Variants in STX8 observed in about 807,000 individuals in gnomAD.
STX8 encodes syntaxin-8.
STX8 carries 23 observed loss-of-function variants against 37.5 expected under a neutral mutation model. That is an observed-to-expected ratio of 0.61 (90% CI 0.44 to 0.87). The LOEUF (loss-of-function observed/expected upper bound fraction) is 0.87, where lower values mean the gene tolerates loss of function less well. Among genes scored for constraint, STX8 ranks in the 40% least tolerant of loss-of-function variants. The probability of loss-of-function intolerance (pLI) is 0.00; values close to 1 mark genes in which losing one functional copy is unlikely to be tolerated. For synonymous variants in STX8, 115 were observed against 99.1 expected (o/e 1.16, Z -0.95); for missense variants, 313 against 284.7 (o/e 1.10, Z -0.71).
chr17:9,397,317 A>G (rs1269143188), intron 6 of STX8, among the ~76,000 whole-genome samples: 1 of 152,072 alleles, frequency 6.6e-6, no homozygotes, highest in Non-Finnish European at 1.5e-5. Context: ...AATTGCTTGA[A>G]CCCGGGAGGG....
chr17:9,493,198 G>C (rs773797450), intron 5 of STX8, among the ~76,000 whole-genome samples: 2 of 152,108 alleles, frequency 1.3e-5, no homozygotes, highest in African/African-American at 2.4e-5. Flanking sequence ...CCAGGAGTTC[G>C]AGGCTGCAGT....
At chr17:9,493,134 G>A (rs1906928197) in intron 5 of STX8, among the ~76,000 whole-genome samples, 2 of 151,108 alleles carry the variant, frequency 1.3e-5, no homozygotes, top group Non-Finnish European at 2.9e-5. Context: ...ACGATGGCAT[G>A]TACCTGTAGT....
chr17:9,379,510 G>A (rs1911720309), intron 6 of STX8, among the ~76,000 whole-genome samples: 2 of 152,154 alleles, frequency 1.3e-5, no homozygotes, highest in Admixed American at 1.3e-4. Context: ...GAAGGAAGGT[G>A]AAAAGAAATT....
intron 7 of STX8, among the ~76,000 whole-genome samples, chr17:9,257,929 C>T (rs556172090): frequency 1.3e-4 from 20 of 152,282 alleles, no homozygotes; most frequent in South Asian, 4.1e-4. Flanking sequence ...GAGGAGGTTG[C>T]GGTGAGCTGA....
At chr17:9,389,324 T>C (rs1418178726) in intron 6 of STX8, among the ~76,000 whole-genome samples, 3 of 152,214 alleles carry the variant, frequency 2.0e-5, no homozygotes, top group Admixed American at 6.5e-5. Flanking sequence ...GTATAGGTTG[T>C]GAAACAACCA....
chr17:9,407,248 G>A (rs544450103), intron 6 of STX8, among the ~76,000 whole-genome samples: 220 of 152,158 alleles, frequency 1.4e-3, no homozygotes, highest in Non-Finnish European at 2.3e-3. Context: ...AGCTGGTGTC[G>A]AACTCCTAAT....
intron 7 of STX8, among the ~76,000 whole-genome samples, chr17:9,351,082 A>G (rs943402460): frequency 1.3e-5 from 2 of 151,668 alleles, no homozygotes; most frequent in African/African-American, 4.8e-5. Flanking sequence ...TAGTATAATG[A>G]ACATCTATAT....
At chr17:9,339,596 G>A (rs1910266318) in intron 7 of STX8, among the ~76,000 whole-genome samples, 1 of 152,124 alleles carries the variant, frequency 6.6e-6, no homozygotes, top group African/African-American at 2.4e-5. Context: ...GGAGGTTGCA[G>A]TGAGCCGAGA....
intron 1 of STX8, chr17:9,569,692 A>T (rs1469845651): frequency 6.6e-6 from 1 of 152,198 alleles, no homozygotes; most frequent in African/African-American, 2.4e-5. Context: ...TCACGCTTGT[A>T]ATCCCAGCAC....
chr17:9,557,259 T>G, intron 3 of STX8, 175 bp downstream of exon 3: 1 of 565,126 alleles, frequency 1.8e-6, no homozygotes, highest in African/African-American at 1.9e-5. Context: ...GCATATTCAC[T>G]GTAAAACATG....
intron 7 of STX8, among the ~76,000 whole-genome samples, chr17:9,341,118 G>A (rs961616776): frequency 8.6e-5 from 13 of 151,538 alleles, no homozygotes; most frequent in African/African-American, 2.2e-4. Context: ...GTGGAAAGTC[G>A]AAATTAAGCA....
At chr17:9,459,927 T>G (rs1397259811) in intron 6 of STX8, among the ~76,000 whole-genome samples, 1 of 152,206 alleles carries the variant, frequency 6.6e-6, no homozygotes, top group Non-Finnish European at 1.5e-5. Flanking sequence ...ATGCTGCAGC[T>G]TTGCAGCATC....
chr17:9,434,660 C>T (rs181983757), intron 6 of STX8, among the ~76,000 whole-genome samples: 2 of 152,196 alleles, frequency 1.3e-5, no homozygotes, highest in Admixed American at 1.3e-4. Context: ...TTGGCTTCAC[C>T]CAGGAAAGAA....
intron 7 of STX8, among the ~76,000 whole-genome samples, chr17:9,323,533 G>A (rs760518559): frequency 1.6e-4 from 24 of 152,266 alleles, no homozygotes; most frequent in Non-Finnish European, 2.9e-4. Flanking sequence ...AGGAGACAGA[G>A]ATGGACCTTG....
At chr17:9,522,392 G>A (rs2142526657) in intron 4 of STX8, among the ~76,000 whole-genome samples, 1 of 152,114 alleles carries the variant, frequency 6.6e-6, no homozygotes. Context: ...ACTCCTGTGA[G>A]GAAGCTTAAA....
chr17:9,472,431 G>T (rs1905911103), intron 6 of STX8, among the ~76,000 whole-genome samples: 1 of 152,188 alleles, frequency 6.6e-6, no homozygotes, highest in Non-Finnish European at 1.5e-5. Context: ...AAACCTGGAG[G>T]TTGTCTTGGG....
At chr17:9,362,845 AAAT>A (rs1413482191) in intron 7 of STX8, among the ~76,000 whole-genome samples, 19 of 146,026 alleles carry the variant, frequency 1.3e-4, no homozygotes, top group East Asian at 4.0e-4. Flanking sequence ...AAAAAAAAAT[AAAT>A]AAATAAATAA....
chr17:9,447,811 AATG>A (rs375129559), intron 6 of STX8, among the ~76,000 whole-genome samples: 5 of 152,194 alleles, frequency 3.3e-5, no homozygotes, highest in Admixed American at 6.5e-5. Context: ...AAAAAAATTG[AATG>A]ATGTTTGGCA....
chr17:9,265,940 C>T (rs1317741612), intron 7 of STX8, among the ~76,000 whole-genome samples: 9 of 152,064 alleles, frequency 5.9e-5, no homozygotes, highest in East Asian at 1.9e-4. Context: ...GCTTATCATA[C>T]GGGGTGGCTG....
Sources: gnomAD v4.1 joint callset for allele counts (sites outside exome capture counted in the v4.1 genomes callset) on GRCh38, gnomAD v4.1.1 for gene constraint, MANE v1.5 for transcripts, NCBI Gene and HGNC (gene_info 2026-07-23, HGNC 2026-07-21) for gene names.